Variants in ARL3 observed in about 807,000 individuals in gnomAD.
ARL3 encodes the protein ADP-ribosylation factor-like protein 3.
ARL3 carries 9 observed loss-of-function variants against 26.0 expected under a neutral mutation model. The ratio of observed to expected loss-of-function variants is 0.35; its 90% CI spans 0.21 to 0.60. ARL3 has a LOEUF of 0.60. Ranked by LOEUF, ARL3 falls within the 20% of genes least tolerant of loss-of-function variation. The pLI is 0.78. For synonymous variants in ARL3, 71 were observed against 78.4 expected (o/e 0.91, Z 0.50); for missense variants, 158 against 215.7 (o/e 0.73, Z 1.67).
At chr10:102,704,736 T>G (rs998518228) in intron 2 of ARL3, among the ~76,000 whole-genome samples, 2 of 152,186 alleles carry the variant, frequency 1.3e-5, no homozygotes, top group Non-Finnish European at 2.9e-5. Flanking sequence ...CACACACATG[T>G]GTATATATGT....
intron 2 of ARL3, among the ~76,000 whole-genome samples, chr10:102,702,475 C>T (rs990929809): frequency 6.6e-6 from 1 of 151,892 alleles, no homozygotes; most frequent in Non-Finnish European, 1.5e-5. Context: ...GAATATGAAA[C>T]CTTGACACAA....
At chr10:102,703,977 C>A (rs1476040365) in intron 2 of ARL3, among the ~76,000 whole-genome samples, 1 of 151,070 alleles carries the variant, frequency 6.6e-6, no homozygotes, top group African/African-American at 2.4e-5. Flanking sequence ...ACGGTGAAAC[C>A]CTGTCTCTAC....
intron 2 of ARL3, among the ~76,000 whole-genome samples, chr10:102,703,425 C>CTTTTTTTTTTTTTTT (rs57721161): frequency 6.2e-5 from 3 of 48,478 alleles, no homozygotes; most frequent in Admixed American, 2.9e-4. Context: ...CAGGACTTGT[C>CTTTTTTTTTTTTTTT]TTTTTTTTTT....
chr10:102,686,781 C>A (rs937634336), intron 4 of ARL3, among the ~76,000 whole-genome samples: 2 of 150,342 alleles, frequency 1.3e-5, no homozygotes, highest in Admixed American at 1.3e-4. Flanking sequence ...CAAACTTGAA[C>A]CTGTATAAGA....
chr10:102,686,832 C>T, intron 4 of ARL3, among the ~76,000 whole-genome samples: 1 of 141,708 alleles, frequency 7.1e-6, no homozygotes, highest in African/African-American at 2.6e-5. Flanking sequence ...GAGATGCTGA[C>T]TTTGGAAAGT....
At chr10:102,677,396 T>C (rs2064135540) in intron 5 of ARL3, among the ~76,000 whole-genome samples, 1 of 152,180 alleles carries the variant, frequency 6.6e-6, no homozygotes, top group South Asian at 2.1e-4. Flanking sequence ...TAAATTTCTT[T>C]TTGGAAAAAC....
At chr10:102,713,545 T>TAATATGTCTTC (rs1227471891) in intron 1 of ARL3, among the ~76,000 whole-genome samples, 1 of 152,178 alleles carries the variant, frequency 6.6e-6, no homozygotes, top group East Asian at 1.9e-4. Context: ...ACGGAGCAGC[T>TAATATGTCTTC]AATATGTCTT....
At chr10:102,692,794 C>T (rs1170748463) in intron 3 of ARL3, among the ~76,000 whole-genome samples, 1 of 152,038 alleles carries the variant, frequency 6.6e-6, no homozygotes, top group Non-Finnish European at 1.5e-5. Flanking sequence ...CTGCAAGCTC[C>T]ATCTTCTGGG....
At chr10:102,708,579 G>A (rs191630797) in intron 1 of ARL3, among the ~76,000 whole-genome samples, 93 of 152,050 alleles carry the variant, frequency 6.1e-4, no homozygotes, top group African/African-American at 2.0e-3. Context: ...TTTTTTGGCC[G>A]GGTGTGGTGG....
chr10:102,701,408 T>C (rs1303131286), intron 2 of ARL3, among the ~76,000 whole-genome samples: 1 of 152,152 alleles, frequency 6.6e-6, no homozygotes, highest in Non-Finnish European at 1.5e-5. Flanking sequence ...GACAGGAATA[T>C]TGCCACCCAA....
chr10:102,676,891 AT>A lies in ARL3; in HGVS notation c.*2del. On this transcript the variant is annotated 3_prime_UTR_variant, in exon 6 of 6. Coordinates refer to ENST00000260746, the MANE Select transcript of ARL3 (RefSeq NM_004311.4). ...AGCTCCTGCATCTCCATTCGTCTAG[AT>A]TTTATTTCTTCTTTGCATTGACATT... is the stretch of plus-strand genomic sequence containing the variant. The A allele has an allele frequency of 1.9e-6, 3 of 1,614,060 alleles. No individual in the cohort carries two copies. The highest frequency in any genetic ancestry group is 1.1e-5 in the South Asian group (1 of 91,076).
chr10:102,700,609 C>T (rs1193808936), intron 2 of ARL3, among the ~76,000 whole-genome samples: 2 of 149,674 alleles, frequency 1.3e-5, no homozygotes, highest in African/African-American at 2.5e-5. Context: ...GAATTACAGG[C>T]GCCTGCCACC....
At chr10:102,678,773 A>G (rs1393427427) in intron 5 of ARL3, among the ~76,000 whole-genome samples, 1 of 152,254 alleles carries the variant, frequency 6.6e-6, no homozygotes, top group Non-Finnish European at 1.5e-5. Flanking sequence ...CAGGAGCCCA[A>G]AGCAGAAGGT....
At chr10:102,704,125 T>C (rs1203604358) in intron 2 of ARL3, among the ~76,000 whole-genome samples, 1 of 109,754 alleles carries the variant, frequency 9.1e-6, no homozygotes, top group Non-Finnish European at 1.7e-5. Flanking sequence ...CATTCCAGCC[T>C]GGGAAACAGA....
chr10:102,681,144 T>G (rs1193012311), intron 5 of ARL3, among the ~76,000 whole-genome samples: 1 of 151,948 alleles, frequency 6.6e-6, no homozygotes, highest in Non-Finnish European at 1.5e-5. Flanking sequence ...TCCCAGCACT[T>G]TGGGAGGCTG....
chr10:102,705,301 C>A, intron 2 of ARL3, 45 bp downstream of exon 2: 2 of 1,509,220 alleles, frequency 1.3e-6, no homozygotes, highest in Admixed American at 2.0e-5. Context: ...TTGCTATTAT[C>A]GTCTTCCTGT....
chr10:102,682,082 C>A (rs2064158346), intron 5 of ARL3, among the ~76,000 whole-genome samples: 1 of 152,130 alleles, frequency 6.6e-6, no homozygotes. Context: ...GCAACCTGGG[C>A]CTGACCTCGA....
intron 3 of ARL3, among the ~76,000 whole-genome samples, chr10:102,694,329 C>T (rs2064236296): frequency 6.6e-6 from 1 of 152,152 alleles, no homozygotes; most frequent in African/African-American, 2.4e-5. Context: ...CAATTTATTT[C>T]TTTCATGGAT....
rs1437552551 is a variant in ARL3, at chr10:102,676,257, A to G, written c.*637T>C. On this transcript the variant is annotated 3_prime_UTR_variant, in exon 6 of 6. Transcript: ENST00000260746. ...GTTTCTGTAGTGACTTGTCTGCAAG[A>G]AAGACTTTTTTTTTTTTTTCTGTCC... 8.8e-6 allele frequency: 1 copy of G among 113,250 alleles called. No individual in the cohort carries two copies. The highest frequency in any genetic ancestry group is 2.7e-4 in the East Asian group (1 of 3,714). The allele number at this position is 113,250 out of a possible 1,614,324, so 7.0% of individuals were successfully genotyped here.
Sources: allele counts gnomAD v4.1 joint callset (sites outside exome capture counted in the v4.1 genomes callset), GRCh38; gene constraint gnomAD v4.1.1; transcripts MANE v1.5; gene names NCBI Gene and HGNC (gene_info 2026-07-23, HGNC 2026-07-21).